DTNA: variants seen among roughly 807,000 people sequenced by gnomAD.
DTNA encodes dystrobrevin alpha.
In DTNA, 43 loss-of-function variants were observed where a neutral mutation model predicts 100.7. The observed-to-expected ratio is 0.43, with a 90% CI of 0.33 to 0.55. DTNA has a LOEUF of 0.55. Ranked by LOEUF, DTNA falls within the 20% of genes least tolerant of loss-of-function variation. DTNA has a pLI of 0.04. For missense variants in DTNA, 798 were observed against 953.9 expected (o/e 0.84, Z 2.15); for synonymous variants, 349 against 347.9 (o/e 1.00, Z -0.04).
At chr18:34,540,832 A>C (rs969790770) in intron 1 of DTNA, among the ~76,000 whole-genome samples, 1 of 152,130 alleles carries the variant, frequency 6.6e-6, no homozygotes, top group African/African-American at 2.4e-5. Context: ...TGTGCTGGAC[A>C]ACCAAGAATT....
chr18:34,864,384 G>C (rs1376725242), intron 17 of DTNA, among the ~76,000 whole-genome samples: 1 of 151,852 alleles, frequency 6.6e-6, no homozygotes, highest in Non-Finnish European at 1.5e-5. Flanking sequence ...CCGCCGAGTA[G>C]CTGGGACTAC....
intron 2 of DTNA, among the ~76,000 whole-genome samples, chr18:34,762,869 A>G (rs562279772): frequency 6.6e-6 from 1 of 152,224 alleles, no homozygotes; most frequent in Non-Finnish European, 1.5e-5. Flanking sequence ...AAGTCCACAC[A>G]GTGATACGAC....
At chr18:34,623,242 G>A (rs2056816657) in intron 1 of DTNA, among the ~76,000 whole-genome samples, 1 of 152,102 alleles carries the variant, frequency 6.6e-6, no homozygotes, top group African/African-American at 2.4e-5. Flanking sequence ...TCTGATTCAG[G>A]AAGCAATATC....
chr18:34,669,580 A>G (rs2076452487), intron 1 of DTNA, among the ~76,000 whole-genome samples: 1 of 152,074 alleles, frequency 6.6e-6, no homozygotes, highest in African/African-American at 2.4e-5. Flanking sequence ...GTCCCTTTCC[A>G]TGTTTAGTGC....
At chr18:34,820,687 G>T (rs1433010493) in intron 8 of DTNA, 104 bp from the exon 9 acceptor site, 2 of 1,561,856 alleles carry the variant, frequency 1.3e-6, no homozygotes, top group African/African-American at 1.4e-5. Flanking sequence ...CACTGAAAAA[G>T]GATTTCTTCC....
At chr18:34,865,819 A>G (rs373424286) in intron 17 of DTNA, among the ~76,000 whole-genome samples, 104 of 152,348 alleles carry the variant, frequency 6.8e-4, no homozygotes, top group African/African-American at 2.4e-3. Context: ...ACCACCAGCC[A>G]TGTTGGTATC....
chr18:34,828,255 CAGG>C (rs1871260523), intron 10 of DTNA, among the ~76,000 whole-genome samples: 2 of 152,138 alleles, frequency 1.3e-5, no homozygotes, highest in Admixed American at 1.3e-4. Flanking sequence ...GAGCAAGAAA[CAGG>C]AGAAGCAAAT....
chr18:34,595,923 G>T (rs1474582494), intron 1 of DTNA, among the ~76,000 whole-genome samples: 1 of 152,134 alleles, frequency 6.6e-6, no homozygotes, highest in Non-Finnish European at 1.5e-5. Flanking sequence ...GGAATGGTAG[G>T]TTCACTCCTC....
At chr18:34,843,303 T>G (rs2096306540) in intron 13 of DTNA, among the ~76,000 whole-genome samples, 1 of 152,144 alleles carries the variant, frequency 6.6e-6, no homozygotes, top group South Asian at 2.1e-4. Context: ...GAGCAACTAA[T>G]AGGGCATTCT....
intron 1 of DTNA, among the ~76,000 whole-genome samples, chr18:34,648,535 T>A (rs2143690005): frequency 6.6e-6 from 1 of 152,288 alleles, no homozygotes; most frequent in Admixed American, 6.5e-5. Flanking sequence ...AGTAGATGGG[T>A]AAATACAGCA....
chr18:34,523,901 A>G (rs2042370974), intron 1 of DTNA, among the ~76,000 whole-genome samples: 1 of 152,126 alleles, frequency 6.6e-6, no homozygotes, highest in African/African-American at 2.4e-5. Context: ...ACTTAAGGGA[A>G]ACTCTTATGT....
chr18:34,775,084 C>T (rs2093976659), intron 3 of DTNA, among the ~76,000 whole-genome samples: 1 of 152,206 alleles, frequency 6.6e-6, no homozygotes, highest in Middle Eastern at 3.2e-3. Flanking sequence ...CTGGGAATTT[C>T]GTGGAATTCA....
At chr18:34,622,259 GTTTA>G (rs1367202391) in intron 1 of DTNA, among the ~76,000 whole-genome samples, 2 of 152,156 alleles carry the variant, frequency 1.3e-5, no homozygotes, top group Non-Finnish European at 2.9e-5. Flanking sequence ...TATATGCAAT[GTTTA>G]TTTGTCAGTT....
intron 3 of DTNA, among the ~76,000 whole-genome samples, chr18:34,770,315 GA>G (rs1367853586): frequency 6.6e-6 from 1 of 151,386 alleles, no homozygotes; most frequent in African/African-American, 2.4e-5. Context: ...CATAAAGGAG[GA>G]AAAAACAAAA....
intron 1 of DTNA, among the ~76,000 whole-genome samples, chr18:34,592,858 A>G (rs1479544044): frequency 2.0e-5 from 3 of 152,200 alleles, no homozygotes; most frequent in Non-Finnish European, 4.4e-5. Context: ...TCCTACAATG[A>G]AAATATTTTT....
At chr18:34,790,567 A>ATATATATATATATATTTTTT (rs2094687460) in intron 3 of DTNA, among the ~76,000 whole-genome samples, 1 of 39,660 alleles carries the variant, frequency 2.5e-5, no homozygotes, top group African/African-American at 9.1e-5. Flanking sequence ...ATATATATAT[A>ATATATATATATATATTTTTT]TTTTTTTTTT....
chr18:34,637,399 G>GA (rs2148269920), intron 1 of DTNA, among the ~76,000 whole-genome samples: 1 of 152,272 alleles, frequency 6.6e-6, no homozygotes, highest in East Asian at 1.9e-4. Context: ...AAAATTATGG[G>GA]AAAAATATAT....
chr18:34,672,897 G>A (rs1394321622), intron 1 of DTNA, among the ~76,000 whole-genome samples: 1 of 151,878 alleles, frequency 6.6e-6, no homozygotes, highest in Admixed American at 6.6e-5. Flanking sequence ...GTGGAATGTG[G>A]GTGATACTAA....
chr18:34,584,118 C>T (rs1230629219), intron 1 of DTNA, among the ~76,000 whole-genome samples: 1 of 152,148 alleles, frequency 6.6e-6, no homozygotes, highest in African/African-American at 2.4e-5. Flanking sequence ...GGAGGGGGCA[C>T]CTTCCTAGAG....
Sources: allele counts gnomAD v4.1 joint callset (sites outside exome capture counted in the v4.1 genomes callset), GRCh38; gene constraint gnomAD v4.1.1; transcripts MANE v1.5; gene names NCBI Gene and HGNC (gene_info 2026-07-23, HGNC 2026-07-21).